The following ZUP1 variants were observed in gnomAD, a reference collection of about 807,000 sequenced individuals.
ZUP1 encodes zinc finger-containing ubiquitin peptidase 1.
Under a neutral mutation model 68.1 loss-of-function variants are expected in ZUP1, and 55 were observed. That is an observed-to-expected ratio of 0.81 (90% confidence interval 0.65 to 1.01). ZUP1 has a LOEUF of 1.01. Among genes scored for constraint, ZUP1 ranks in the 50% least tolerant of loss-of-function variants. The probability of loss-of-function intolerance (pLI) is 0.00; values close to 1 mark genes in which losing one functional copy is unlikely to be tolerated. For synonymous variants in ZUP1, 223 were observed against 221.5 expected (o/e 1.01, Z -0.06); for missense variants, 684 against 674.9 (o/e 1.01, Z -0.15).
intron 3 of ZUP1, among the ~76,000 whole-genome samples, chr6:116,659,234 A>G (rs546058856): frequency 6.6e-6 from 1 of 152,262 alleles, no homozygotes; most frequent in Admixed American, 6.5e-5. Context: ...GGTTCAAGTG[A>G]TTCTCCTGCT....
chr6:116,637,607 A>G (rs1316701389), intron 9 of ZUP1, among the ~76,000 whole-genome samples: 1 of 152,190 alleles, frequency 6.6e-6, no homozygotes, highest in Non-Finnish European at 1.5e-5. Flanking sequence ...CATTTCCAAA[A>G]CCAGAAAGAC....
intron 9 of ZUP1, among the ~76,000 whole-genome samples, chr6:116,640,147 A>G (rs1776047615): frequency 7.3e-6 from 1 of 136,472 alleles, no homozygotes; most frequent in Middle Eastern, 3.8e-3. Flanking sequence ...AAAAAAGAAT[A>G]GAAAGAAATG....
chr6:116,638,629 T>C (rs1775976338), intron 9 of ZUP1, among the ~76,000 whole-genome samples: 1 of 152,238 alleles, frequency 6.6e-6, no homozygotes, highest in South Asian at 2.1e-4. Flanking sequence ...TTTCTTACTA[T>C]ATGTTTACAT....
chr6:116,641,640 A>G (rs1043568198), intron 9 of ZUP1, among the ~76,000 whole-genome samples: 5 of 152,220 alleles, frequency 3.3e-5, no homozygotes, highest in South Asian at 2.1e-4. Context: ...TTTGAAACCA[A>G]CGAGAACAAA....
chr6:116,656,198 G>A (rs1776658255), intron 5 of ZUP1, among the ~76,000 whole-genome samples: 1 of 152,032 alleles, frequency 6.6e-6, no homozygotes, highest in Admixed American at 6.6e-5. Flanking sequence ...TCCTGCCTCA[G>A]CCTCCCTAGT....
intron 6 of ZUP1, 61 bp downstream of exon 6, chr6:116,651,943 A>G (rs544148593): frequency 1.3e-6 from 2 of 1,540,450 alleles, no homozygotes; most frequent in East Asian, 4.5e-5. Context: ...TGTATGCTAT[A>G]TCATTCTATA....
intron 2 of ZUP1, among the ~76,000 whole-genome samples, chr6:116,661,417 AC>A (rs1224936761): frequency 2.6e-5 from 4 of 152,198 alleles, no homozygotes; most frequent in African/African-American, 7.2e-5. Flanking sequence ...AGAAAGGAAA[AC>A]CAAAGTGGTA....
Position 116,656,401 on chromosome 6 carries a change from A to C in ZUP1, c.961+283T>G, listed in dbSNP as rs142338925. On this transcript the variant is annotated intron_variant, in intron 5 of 9. Coordinates refer to ENST00000368576, the MANE Select transcript of ZUP1 (RefSeq NM_145062.3). Reference sequence around the variant, plus strand: ...GCCCAGCCTCCTTTTCACTTTTGTTAATGTGGAGCCAGGAAATTTAAAATT... The same window carrying C: ...GCCCAGCCTCCTTTTCACTTTTGTTCATGTGGAGCCAGGAAATTTAAAATT... 5.2e-3 allele frequency among the ~76,000 whole-genome samples: 796 copies of C among 152,268 alleles called. 13 individuals carry two copies. Among genetic ancestry groups the C allele is most frequent in the African/African-American group, 0.018 (738 of 41,556 alleles).
intron 9 of ZUP1, among the ~76,000 whole-genome samples, chr6:116,638,083 A>C (rs976556032): frequency 2.6e-5 from 4 of 151,748 alleles, no homozygotes; most frequent in Non-Finnish European, 5.9e-5. Flanking sequence ...AAAAAAAAAA[A>C]AACCTTGCCT....
chr6:116,653,662 G>A (rs962285953), intron 5 of ZUP1, among the ~76,000 whole-genome samples: 1 of 151,920 alleles, frequency 6.6e-6, no homozygotes, highest in Admixed American at 6.6e-5. Context: ...GAATGAATGG[G>A]TACCCTAGGA....
intron 7 of ZUP1, among the ~76,000 whole-genome samples, chr6:116,650,103 A>T (rs1051890838): frequency 7.2e-5 from 11 of 152,282 alleles, no homozygotes; most frequent in South Asian, 6.2e-4. Flanking sequence ...AAAGATTTTT[A>T]AAAAAGAGAC....
chr6:116,635,830 C>T lies in ZUP1; in HGVS notation c.*2G>A. 6.3e-7 allele frequency: 1 copy of T among 1,596,570 alleles called. No homozygotes were observed. The highest frequency in any genetic ancestry group is 8.5e-7 in the Non-Finnish European group (1 of 1,174,724). ...CACTGAAATGCTTAAATGCTTGATT[C>T]TTCAAGGAATCTTCTCGGCTGTAAA... is the stretch of plus-strand genomic sequence containing the variant. On this transcript the variant is annotated 3_prime_UTR_variant, in exon 10 of 10. Coordinates refer to ENST00000368576, the MANE Select transcript of ZUP1 (RefSeq NM_145062.3).
intron 3 of ZUP1, among the ~76,000 whole-genome samples, chr6:116,659,971 G>A (rs1031155357): frequency 2.0e-5 from 3 of 152,158 alleles, no homozygotes; most frequent in African/African-American, 7.2e-5. Context: ...GATTTACTTA[G>A]ACCATATCTT....
intron 9 of ZUP1, among the ~76,000 whole-genome samples, chr6:116,641,207 C>T (rs1411631069): frequency 6.7e-6 from 1 of 150,076 alleles, no homozygotes; most frequent in Non-Finnish European, 1.5e-5. Flanking sequence ...GAGTGACCTA[C>T]AAAGAGACTT....
intron 9 of ZUP1, among the ~76,000 whole-genome samples, chr6:116,643,911 AT>A (rs1378808482): frequency 6.6e-6 from 1 of 152,218 alleles, no homozygotes; most frequent in Non-Finnish European, 1.5e-5. Context: ...AACCTACAAA[AT>A]AGGAGAAAAT....
At chr6:116,642,312 G>C (rs1562399736) in intron 9 of ZUP1, among the ~76,000 whole-genome samples, 1 of 152,142 alleles carries the variant, frequency 6.6e-6, no homozygotes, top group Non-Finnish European at 1.5e-5. Flanking sequence ...TAGAAAAAGA[G>C]GGAATCCTCC....
chr6:116,645,959 C>T, intron 8 of ZUP1, 25 bp from the exon 9 acceptor site: 1 of 1,496,424 alleles, frequency 6.7e-7, no homozygotes, highest in South Asian at 1.2e-5. Flanking sequence ...TTAAGTTATA[C>T]ATACGTCACA....
At chr6:116,665,569 C>CTTTT (rs753039436) in intron 2 of ZUP1, among the ~76,000 whole-genome samples, 8 of 111,580 alleles carry the variant, frequency 7.2e-5, no homozygotes, top group African/African-American at 3.4e-5. Context: ...AAAAATTTTT[C>CTTTT]TTTTTTTTTT....
At chr6:116,644,463 G>A (rs1441945429) in intron 9 of ZUP1, among the ~76,000 whole-genome samples, 1 of 152,152 alleles carries the variant, frequency 6.6e-6, no homozygotes, top group African/African-American at 2.4e-5. Context: ...TGATAGACTG[G>A]ATTAAGAAAA....
Sources: allele counts gnomAD v4.1 joint callset (sites outside exome capture counted in the v4.1 genomes callset), GRCh38; gene constraint gnomAD v4.1.1; transcripts MANE v1.5; gene names NCBI Gene and HGNC (gene_info 2026-07-23, HGNC 2026-07-21).